Variants in SLC35F3 observed in about 807,000 individuals in gnomAD.
The protein encoded by SLC35F3 is putative thiamine transporter SLC35F3.
SLC35F3 carries 25 observed loss-of-function variants against 49.9 expected under a neutral mutation model. The ratio of observed to expected loss-of-function variants is 0.50; its 90% CI spans 0.37 to 0.70. SLC35F3 has a LOEUF of 0.70. SLC35F3 is among the 30% of genes least tolerant of loss of function. The probability of loss-of-function intolerance (pLI) is 0.00; values close to 1 mark genes in which losing one functional copy is unlikely to be tolerated. For synonymous variants in SLC35F3, 275 were observed against 265.4 expected (o/e 1.04, Z -0.35); for missense variants, 525 against 639.8 (o/e 0.82, Z 1.94).
chr1:234,198,373 G>A (rs1324721445), intron 2 of SLC35F3, among the ~76,000 whole-genome samples: 1 of 152,184 alleles, frequency 6.6e-6, no homozygotes, highest in East Asian at 1.9e-4. Context: ...TTATGCACAA[G>A]TTTCTGTACA....
At chr1:234,093,201 C>T (rs1665068334) in intron 2 of SLC35F3, among the ~76,000 whole-genome samples, 1 of 152,204 alleles carries the variant, frequency 6.6e-6, no homozygotes, top group Non-Finnish European at 1.5e-5. Context: ...ATATTAATTA[C>T]ACTCACAGCA....
At chr1:234,203,192 TAATA>T (rs1666924465) in intron 2 of SLC35F3, among the ~76,000 whole-genome samples, 1 of 152,238 alleles carries the variant, frequency 6.6e-6, no homozygotes, top group Non-Finnish European at 1.5e-5. Context: ...TTTGTTGCTT[TAATA>T]AATATACTTA....
At chr1:234,108,043 CT>C (rs1665310245) in intron 2 of SLC35F3, among the ~76,000 whole-genome samples, 1 of 150,742 alleles carries the variant, frequency 6.6e-6, no homozygotes, top group African/African-American at 2.4e-5. Context: ...CATAAGCCCC[CT>C]AAGGAAAAAA....
intron 3 of SLC35F3, among the ~76,000 whole-genome samples, chr1:234,256,601 G>T (rs994498552): frequency 5.3e-5 from 8 of 152,142 alleles, no homozygotes; most frequent in African/African-American, 1.9e-4. Flanking sequence ...GAGTGGTTCT[G>T]GCCAGTCTAT....
At chr1:234,124,044 A>G (rs12751747) in intron 2 of SLC35F3, among the ~76,000 whole-genome samples, 52,915 of 152,104 alleles carry the variant, frequency 0.35, 10,421 homozygotes, top group East Asian at 0.78. Context: ...TGATGATGTC[A>G]CAGGAAACAG....
At chr1:233,909,638 G>A (rs1661842218) in intron 2 of SLC35F3, among the ~76,000 whole-genome samples, 1 of 152,192 alleles carries the variant, frequency 6.6e-6, no homozygotes, top group African/African-American at 2.4e-5. Flanking sequence ...TTGGCCCAGG[G>A]TTTCTTGATC....
intron 2 of SLC35F3, among the ~76,000 whole-genome samples, chr1:234,108,510 A>AAAG (rs1257692341): frequency 0.13 from 14,578 of 110,872 alleles, 1,631 homozygotes; most frequent in Non-Finnish European, 0.18. Flanking sequence ...TATATATATA[A>AAAG]ATGATATATA....
intron 2 of SLC35F3, among the ~76,000 whole-genome samples, chr1:233,920,807 G>A (rs1662045506): frequency 1.3e-5 from 2 of 152,218 alleles, no homozygotes; most frequent in African/African-American, 2.4e-5. Context: ...GATGGCAGGC[G>A]GCCTTTAAGA....
chr1:234,122,606 C>A (rs140768776), intron 2 of SLC35F3, among the ~76,000 whole-genome samples: 1 of 152,124 alleles, frequency 6.6e-6, no homozygotes, highest in South Asian at 2.1e-4. Flanking sequence ...TGTCCTAATG[C>A]TCTCCCTCCC....
At chr1:234,141,195 C>G (rs1413315004) in intron 2 of SLC35F3, among the ~76,000 whole-genome samples, 1 of 151,996 alleles carries the variant, frequency 6.6e-6, no homozygotes, top group East Asian at 1.9e-4. Context: ...ATAAGAAGGT[C>G]TATGATAAGT....
chr1:233,910,269 A>G (rs1251267148), intron 2 of SLC35F3, among the ~76,000 whole-genome samples: 2 of 152,170 alleles, frequency 1.3e-5, no homozygotes, highest in African/African-American at 4.8e-5. Flanking sequence ...TAGAGAAGGG[A>G]TGAGGAGAAT....
rs1336599962 is a variant in SLC35F3 at position 234,241,097 on chromosome 1, G to GTTTCTTTTC, written c.608+9369_608+9377dup. On this transcript the variant is annotated intron_variant, in intron 3 of 7. Coordinates refer to ENST00000366618, the MANE Select transcript of SLC35F3 (RefSeq NM_173508.4). ...GCCATACAGAAGCTAAAGCAGATGT[G>GTTTCTTTTC]TTTCTTTTCTTTCTTTTCTTTTCTG... is the stretch of plus-strand genomic sequence containing the variant. Among the ~76,000 whole-genome samples the GTTTCTTTTC allele has an allele frequency of 4.6e-5, 7 of 152,294 alleles. No individual in the cohort carries two copies. In the South Asian group the frequency reaches 8.3e-4, roughly 18 times the overall value.
intron 2 of SLC35F3, among the ~76,000 whole-genome samples, chr1:233,999,860 A>G (rs917327891): frequency 6.6e-6 from 1 of 152,226 alleles, no homozygotes; most frequent in Non-Finnish European, 1.5e-5. Flanking sequence ...CTGCATGAGT[A>G]TACCAAACAC....
At chr1:234,289,043 A>G (rs1278127256) in intron 3 of SLC35F3, among the ~76,000 whole-genome samples, 3 of 152,206 alleles carry the variant, frequency 2.0e-5, no homozygotes, top group Admixed American at 6.5e-5. Context: ...GGGGGAAGAG[A>G]AAGCATAGCC....
At chr1:234,045,751 T>G in intron 2 of SLC35F3, among the ~76,000 whole-genome samples, 1 of 152,028 alleles carries the variant, frequency 6.6e-6, no homozygotes, top group Non-Finnish European at 1.5e-5. Context: ...CAGATACAAT[T>G]GTGACCTTCT....
chr1:234,208,561 GC>G (rs1667007991), intron 2 of SLC35F3, among the ~76,000 whole-genome samples: 1 of 152,150 alleles, frequency 6.6e-6, no homozygotes, highest in South Asian at 2.1e-4. Flanking sequence ...TTTCAATACA[GC>G]CCCTGGGTGG....
chr1:233,959,281 G>A (rs933544651), intron 2 of SLC35F3, among the ~76,000 whole-genome samples: 1 of 151,764 alleles, frequency 6.6e-6, no homozygotes, highest in Non-Finnish European at 1.5e-5. Context: ...AGTCTTATCT[G>A]CAGTTCCAGC....
intron 2 of SLC35F3, among the ~76,000 whole-genome samples, chr1:234,057,871 A>C (rs1385949615): frequency 6.6e-6 from 1 of 152,012 alleles, no homozygotes; most frequent in Non-Finnish European, 1.5e-5. Flanking sequence ...AGGCCCAGCT[A>C]ATTTTTGTGT....
intron 3 of SLC35F3, among the ~76,000 whole-genome samples, chr1:234,294,196 T>A (rs940516523): frequency 3.3e-5 from 5 of 152,180 alleles, no homozygotes; most frequent in Admixed American, 2.6e-4. Flanking sequence ...CAAATCCACA[T>A]ACCCTTTCCT....
Sources: gnomAD v4.1 joint callset for allele counts (sites outside exome capture counted in the v4.1 genomes callset) on GRCh38, gnomAD v4.1.1 for gene constraint, MANE v1.5 for transcripts, NCBI Gene and HGNC (gene_info 2026-07-23, HGNC 2026-07-21) for gene names.